Variants in KDM6A observed in about 807,000 individuals in gnomAD.
KDM6A encodes the protein lysine-specific demethylase 6A.
KDM6A carries 11 observed loss-of-function variants against 117.6 expected under a neutral mutation model. That is an observed-to-expected ratio of 0.09 (90% CI 0.06 to 0.15). The LOEUF is 0.15. Ranked by LOEUF, KDM6A falls within the 10% of genes least tolerant of loss-of-function variation. The probability of loss-of-function intolerance (pLI) is 1.00; values close to 1 mark genes in which losing one functional copy is unlikely to be tolerated. For synonymous variants in KDM6A, 384 were observed against 396.1 expected, an observed-to-expected ratio of 0.97 and a Z score of 0.36; for missense variants, 799 against 1,077.3, an observed-to-expected ratio of 0.74 and a Z score of 3.62.
intron 2 of KDM6A, among the ~76,000 whole-genome samples, chrX:44,956,406 T>C (rs775496921): frequency 5.4e-5 from 6 of 111,053 alleles, no homozygotes; most frequent in Non-Finnish European, 1.1e-4. Context: ...TCCTCTTCCT[T>C]TCCCTTTTCC....
At chrX:44,923,290 A>G (rs2036084122) in intron 2 of KDM6A, among the ~76,000 whole-genome samples, 1 of 110,084 alleles carries the variant, frequency 9.1e-6, no homozygotes, top group Non-Finnish European at 1.9e-5. Flanking sequence ...TTAAATTTTC[A>G]CCAAATTCGG....
chrX:45,025,929 G>A (rs2042348094), intron 6 of KDM6A, among the ~76,000 whole-genome samples: 1 of 111,847 alleles, frequency 8.9e-6, no homozygotes, highest in African/African-American at 3.3e-5. Flanking sequence ...ATGTGAAAGG[G>A]ATAGGAAGAT....
rs1338852046 is a variant in KDM6A at position 45,111,830 on chromosome X, A to G, written c.*419A>G. On this transcript the variant is annotated 3_prime_UTR_variant, in exon 30 of 30. Coordinates refer to ENST00000611820, the MANE Select transcript of KDM6A (RefSeq NM_001291415.2). ...CTTTGTAAGGTAGTTAGCAATTTTAAGTCTTTCTTTGGTCAACTTTTTTTT... is the reference window on the plus strand; with the variant it reads ...CTTTGTAAGGTAGTTAGCAATTTTAGGTCTTTCTTTGGTCAACTTTTTTTT... 7 of 176,769 alleles carry G rather than the reference A, an allele frequency of 4.0e-5. No individual in the cohort carries two copies. The highest frequency in any genetic ancestry group is 7.4e-5 in the Non-Finnish European group (7 of 93,982). 14.6% of individuals were successfully genotyped at this position (176,769 alleles called of 1,213,427 possible). A position where few individuals can be genotyped will look rare whatever the true frequency, so the allele number is the denominator to read the frequency against.
rs2148040203 is a variant in KDM6A, at chrX:45,069,778, G to A, written c.2279G>A (p.Gly760Glu). 8.3e-7 allele frequency: 1 copy of A among 1,210,474 alleles called. No homozygotes were observed. The highest frequency in any genetic ancestry group is 1.1e-6 in the Non-Finnish European group (1 of 894,837). Residue 760 changes from glycine (G) to glutamate (E), a missense_variant, in exon 18 of 30, where the codon GGA (glycine) becomes GAA (glutamate). This residue lies in a region of KDM6A where 301 missense variants were observed against 318.3 expected (regional missense o/e 0.95). Coordinates refer to ENST00000611820, the MANE Select transcript of KDM6A (RefSeq NM_001291415.2). ...HLSSHTATSGGQQGITLTKES... is the reference protein window; with the variant it reads ...HLSSHTATSGEQQGITLTKES... The stretch of plus-strand genomic sequence containing the variant: ...TCCTCTCACACTGCTACCTCAGGTG[G>A]ACAACAAGGCATTACCTTAACCAAA...
chrX:45,073,667 GTCT>G (rs2044973269), intron 18 of KDM6A, among the ~76,000 whole-genome samples: 1 of 112,288 alleles, frequency 8.9e-6, no homozygotes, highest in Admixed American at 9.4e-5. Flanking sequence ...CTGCATAAAT[GTCT>G]TCTTTTGAGA....
intron 2 of KDM6A, among the ~76,000 whole-genome samples, chrX:44,910,042 ACT>A (rs1302564690): frequency 2.7e-5 from 3 of 111,389 alleles, no homozygotes; most frequent in Admixed American, 9.5e-5. Context: ...TGTTTTCTAT[ACT>A]CTGTTTAAGA....
intron 5 of KDM6A, among the ~76,000 whole-genome samples, chrX:45,015,408 C>A (rs999281291): frequency 9.0e-6 from 1 of 111,409 alleles, no homozygotes; most frequent in South Asian, 3.8e-4. Flanking sequence ...AGCCACGGAG[C>A]CTGGTGTAAA....
rs771134320 is a variant in KDM6A, at chrX:44,998,064, G to A, written c.385-12897G>A. On this transcript the variant is annotated intron_variant, in intron 4 of 29. Coordinates refer to ENST00000611820, the MANE Select transcript of KDM6A (RefSeq NM_001291415.2). Reference sequence around the variant, plus strand: ...TTTTCAGAGGAGTTTAAAATAGAAAGTGCATGTTTTGCACTTCATGTTTGA... The same window carrying A: ...TTTTCAGAGGAGTTTAAAATAGAAAATGCATGTTTTGCACTTCATGTTTGA... 7.1e-5 allele frequency among the ~76,000 whole-genome samples: 8 copies of A among 111,897 alleles called. No homozygotes were observed. The South Asian group carries it at 1.9e-3, about 26-fold the overall frequency.
At chrX:44,895,105 TA>T (rs2146632071) in intron 2 of KDM6A, among the ~76,000 whole-genome samples, 1 of 100,347 alleles carries the variant, frequency 1.0e-5, no homozygotes, top group African/African-American at 3.7e-5. Context: ...TTTATTTATT[TA>T]TTTATTTATT....
chrX:44,955,027 G>A (rs1041555056), intron 2 of KDM6A, among the ~76,000 whole-genome samples: 1 of 111,762 alleles, frequency 8.9e-6, no homozygotes, highest in Non-Finnish European at 1.9e-5. Flanking sequence ...GAAAGTTAAA[G>A]AGAGAATTTT....
chrX:45,065,112 G>A (rs2044471663), intron 17 of KDM6A, among the ~76,000 whole-genome samples: 2 of 112,112 alleles, frequency 1.8e-5, no homozygotes, highest in Admixed American at 1.9e-4. Flanking sequence ...TTATAAATCA[G>A]AAGGGCAGGG....
At chrX:44,922,523 C>A (rs1363473858) in intron 2 of KDM6A, among the ~76,000 whole-genome samples, 1 of 111,915 alleles carries the variant, frequency 8.9e-6, no homozygotes, top group Non-Finnish European at 1.9e-5. Context: ...GGCTGGAGTG[C>A]AGTGGCGTGA....
intron 2 of KDM6A, among the ~76,000 whole-genome samples, chrX:44,932,439 T>G (rs1360929970): frequency 1.8e-5 from 2 of 111,158 alleles, no homozygotes; most frequent in Non-Finnish European, 3.8e-5. Context: ...TATTATTATT[T>G]GTGTTCCAAT....
chrX:45,014,448 A>C (rs2147615588), intron 5 of KDM6A, among the ~76,000 whole-genome samples: 1 of 111,992 alleles, frequency 8.9e-6, no homozygotes, highest in African/African-American at 3.2e-5. Context: ...ATCTGGGACC[A>C]AACTTAAAAG....
chrX:44,911,580 C>T lies in KDM6A; in HGVS notation c.225+37593C>T, dbSNP rs768146718. Among the ~76,000 whole-genome samples the T allele has an allele frequency of 1.7e-4, 19 of 109,281 alleles. No individual in the cohort carries two copies. In the South Asian group the frequency reaches 3.9e-3, roughly 23 times the overall value. 94.9% of individuals were successfully genotyped at this position (109,281 alleles called of 115,157 possible). A position where few individuals can be genotyped will look rare whatever the true frequency, so the allele number is the denominator to read the frequency against. On this transcript the variant is annotated intron_variant, in intron 2 of 29. Coordinates refer to ENST00000611820, the MANE Select transcript of KDM6A (RefSeq NM_001291415.2). ...GCAGAGGGGCTCTTCACATCCCAGA[C>T]GATGGGCGGCCAGGGAGAGACGCTC...
intron 6 of KDM6A, among the ~76,000 whole-genome samples, chrX:45,029,605 G>A (rs1158382340): frequency 6.7e-5 from 6 of 90,060 alleles, no homozygotes; most frequent in African/African-American, 3.5e-4. Flanking sequence ...GAGTGAGATT[G>A]TCTCAAAAAA....
rs1167783305 is a variant in KDM6A, at chrX:44,885,869, C to CA, written c.225+11892dup. Among the ~76,000 whole-genome samples the CA allele has an allele frequency of 4.8e-4, 50 of 105,150 alleles. No homozygotes were observed. In the South Asian group the frequency reaches 0.012, roughly 24 times the overall value. The allele number at this position is 105,150 out of a possible 115,157, so 91.3% of individuals were successfully genotyped here. On this transcript the variant is annotated intron_variant, in intron 2 of 29. Transcript: ENST00000611820. Reference sequence around the variant, plus strand: ...TGGGTGACAGAGTCAGACTCTGTCTCAAAAAAAAAATTCCTACGTCATCTC... The same window carrying CA: ...TGGGTGACAGAGTCAGACTCTGTCTCAAAAAAAAAAATTCCTACGTCATCTC...
chrX:45,094,421 G>T (rs1235557769), intron 27 of KDM6A, among the ~76,000 whole-genome samples: 1 of 111,720 alleles, frequency 9.0e-6, no homozygotes, highest in African/African-American at 3.3e-5. Context: ...TAGCACTTAA[G>T]CCAGCTTAAA....
intron 2 of KDM6A, among the ~76,000 whole-genome samples, chrX:44,933,998 T>A (rs1284334766): frequency 8.9e-6 from 1 of 112,931 alleles, no homozygotes; most frequent in African/African-American, 3.2e-5. Context: ...TTGATGTTTC[T>A]AGTTAATAAG....
Sources: gnomAD v4.1 joint callset for allele counts (sites outside exome capture counted in the v4.1 genomes callset) on GRCh38, gnomAD v4.1.1 for gene constraint, gnomAD v4.1.1 regional missense constraint, MANE v1.5 for transcripts, NCBI Gene and HGNC (gene_info 2026-07-23, HGNC 2026-07-21) for gene names.